UFM1: variants seen among roughly 807,000 people sequenced by gnomAD.
UFM1 encodes the protein ubiquitin-fold modifier 1.
UFM1 carries 9 observed loss-of-function variants against 15.4 expected under a neutral mutation model. The ratio of observed to expected loss-of-function variants is 0.59; its 90% CI spans 0.35 to 1.02. The LOEUF (loss-of-function observed/expected upper bound fraction) is 1.02. Among genes scored for constraint, UFM1 ranks in the 50% least tolerant of loss-of-function variants. The probability of loss-of-function intolerance (pLI) is 0.02; values close to 1 mark genes in which losing one functional copy is unlikely to be tolerated. For missense variants in UFM1, 98 were observed against 104.7 expected (o/e 0.94, Z 0.28); for synonymous variants, 27 against 36.3 (o/e 0.74, Z 0.92).
intron 4 of UFM1, 90 bp downstream of exon 4, chr13:38,358,222 C>T (rs1197941343): frequency 1.3e-6 from 1 of 792,260 alleles, no homozygotes; most frequent in East Asian, 3.2e-5. Context: ...ATACAAAAAG[C>T]CCCAAGTATA....
At chr13:38,350,105 T>G (rs745721387) in intron 2 of UFM1, 50 bp downstream of exon 2, 2 of 1,614,144 alleles carry the variant, frequency 1.2e-6, no homozygotes, top group Non-Finnish European at 1.7e-6. Flanking sequence ...AAGACGGGGC[T>G]GGGTTGGGGA....
chr13:38,355,226 A>G (rs749396976), intron 3 of UFM1, among the ~76,000 whole-genome samples: 7 of 152,056 alleles, frequency 4.6e-5, no homozygotes, highest in Admixed American at 1.3e-4. Context: ...CAGCCAATCC[A>G]TCAGTGCTCA....
At chr13:38,355,414 C>T (rs1039050254) in intron 3 of UFM1, among the ~76,000 whole-genome samples, 1 of 151,944 alleles carries the variant, frequency 6.6e-6, no homozygotes. Flanking sequence ...GCACAGATTA[C>T]TTGCAAGAAA....
chr13:38,352,875 TC>T (rs1344056433), intron 2 of UFM1, among the ~76,000 whole-genome samples: 2 of 152,170 alleles, frequency 1.3e-5, no homozygotes, highest in African/African-American at 4.8e-5. Context: ...GTTTAGAAGT[TC>T]TCCAATTGAT....
At chr13:38,351,802 T>G (rs1878864147) in intron 2 of UFM1, among the ~76,000 whole-genome samples, 1 of 152,194 alleles carries the variant, frequency 6.6e-6, no homozygotes. Context: ...ATGAATTTAG[T>G]AGGTACAACT....
At chr13:38,355,374 C>T (rs184010492) in intron 3 of UFM1, among the ~76,000 whole-genome samples, 8 of 152,088 alleles carry the variant, frequency 5.3e-5, no homozygotes, top group Admixed American at 4.6e-4. Flanking sequence ...GGACACAAAT[C>T]TGAGTATAGC....
rs1879294181 is a variant in UFM1, at chr13:38,359,945, C to T, written c.190+612C>T. ...TATAATCTAAAGTTTTAAAATTAGG[C>T]ATGCTTTAATGTAACCTCATTCTAG... is the stretch of plus-strand genomic sequence containing the variant. On this transcript the variant is annotated intron_variant, in intron 5 of 5. Transcript: ENST00000239878. 18 of 229,124 alleles carry T rather than the reference C, an allele frequency of 7.9e-5. No individual in the cohort carries two copies. The South Asian group carries it at 7.9e-4, about 10-fold the overall frequency. The allele number at this position is 229,124 out of a possible 1,614,324, so 14.2% of individuals were successfully genotyped here.
chr13:38,357,489 C>G (rs1333710304), intron 3 of UFM1, among the ~76,000 whole-genome samples: 1 of 136,996 alleles, frequency 7.3e-6, no homozygotes, highest in African/African-American at 2.8e-5. Flanking sequence ...TAAATACAAT[C>G]AAAAGCACTG....
At chr13:38,352,757 A>C (rs1311729410) in intron 2 of UFM1, among the ~76,000 whole-genome samples, 2 of 152,186 alleles carry the variant, frequency 1.3e-5, no homozygotes, top group Non-Finnish European at 2.9e-5. Flanking sequence ...ACACTCACCA[A>C]CTTAATATAC....
intron 2 of UFM1, among the ~76,000 whole-genome samples, chr13:38,352,179 C>T: frequency 6.8e-6 from 1 of 147,058 alleles, no homozygotes. Context: ...TCTTGGCTCA[C>T]TGCAACGCCC....
intron 2 of UFM1, 88 bp from the exon 3 acceptor site, chr13:38,354,151 T>G: frequency 1.7e-6 from 2 of 1,191,360 alleles, no homozygotes; most frequent in African/African-American, 1.5e-5. Flanking sequence ...TTTGTCCAGA[T>G]TGGCTACAGT....
intron 3 of UFM1, among the ~76,000 whole-genome samples, chr13:38,356,223 A>G (rs1214171961): frequency 6.6e-6 from 1 of 151,932 alleles, no homozygotes; most frequent in African/African-American, 2.4e-5. Context: ...TTGCTACTAC[A>G]TGGATGTGAC....
rs1281569774 is a variant in UFM1 at position 38,361,449 on chromosome 13, A to G, written c.*671A>G. ...AGAATCCAGTACTTTTAATGGTGGG[A>G]ATTTACAGTAGAAGCATCCTTTGCT... On this transcript the variant is annotated 3_prime_UTR_variant, in exon 6 of 6. Transcript: ENST00000239878. 1 of 152,158 alleles carries G rather than the reference A, an allele frequency of 6.6e-6. No individual in the cohort carries two copies. The highest frequency in any genetic ancestry group is 1.5e-5 in the Non-Finnish European group (1 of 68,014). 9.4% of individuals were successfully genotyped at this position (152,158 alleles called of 1,614,324 possible).
chr13:38,355,815 G>C (rs1038443616), intron 3 of UFM1, among the ~76,000 whole-genome samples: 1 of 151,804 alleles, frequency 6.6e-6, no homozygotes. Flanking sequence ...TGTGAGAGGG[G>C]CTTTCACAAG....
chr13:38,354,343 T>C, intron 3 of UFM1, 47 bp downstream of exon 3: 6 of 1,556,096 alleles, frequency 3.9e-6, no homozygotes, highest in East Asian at 2.3e-5. Flanking sequence ...GGTTTGCCAA[T>C]ATGCTTCAAA....
chr13:38,350,176 T>G, intron 2 of UFM1, 121 bp downstream of exon 2: 2 of 1,613,950 alleles, frequency 1.2e-6, no homozygotes, highest in East Asian at 2.2e-5. Flanking sequence ...TCATCTACTT[T>G]CCTGGCTCGC....
At position 38,358,023 on chromosome 13, in the gene UFM1, ATTATC is replaced by A. The variant is rs962275359; in HGVS notation, c.118-65_118-61del. The A allele has an allele frequency of 6.7e-6, 5 of 740,900 alleles. No homozygotes were observed. The African/African-American group carries it at 7.7e-5, about 11-fold the overall frequency. 45.9% of individuals were successfully genotyped at this position (740,900 alleles called of 1,614,324 possible). A position where few individuals can be genotyped will look rare whatever the true frequency, so the allele number is the denominator to read the frequency against. On this transcript the variant is annotated intron_variant, in intron 3 of 5. Coordinates refer to ENST00000239878, the MANE Select transcript of UFM1 (RefSeq NM_016617.4). ...TGGTATTTGTACCCCATTCTTGCTA[ATTATC>A]TTATAGTTTTGTGTGTGTGTGTGTG...
Position 38,351,703 on chromosome 13 carries a change from G to A in UFM1, c.59+1648G>A, listed in dbSNP as rs539045160. Among the ~76,000 whole-genome samples, 9 of 152,296 alleles carry A rather than the reference G, an allele frequency of 5.9e-5. No homozygotes were observed. In the East Asian group the frequency reaches 9.6e-4, roughly 16 times the overall value. On this transcript the variant is annotated intron_variant, in intron 2 of 5. Coordinates refer to ENST00000239878, the MANE Select transcript of UFM1 (RefSeq NM_016617.4). ...TATGCAAATGTACTCGAAAGAGAGC[G>A]TGAGAAGGAAGGAAGAAAATGATAG...
At position 38,359,351 on chromosome 13, in the gene UFM1, C is replaced by T. The variant is rs775039006; in HGVS notation, c.190+18C>T. 8 of 1,610,888 alleles carry T rather than the reference C, an allele frequency of 5.0e-6. No homozygotes were observed. In the East Asian group the frequency reaches 1.3e-4, roughly 27 times the overall value. On this transcript the variant is annotated intron_variant, in intron 5 of 5. Coordinates refer to ENST00000239878, the MANE Select transcript of UFM1 (RefSeq NM_016617.4). ...GACTGCTGGTGAGTATTTGAAAACT[C>T]ATAGAGGAGTGGGTGGGGTTATATA...
Sources: gnomAD v4.1 joint callset for allele counts (sites outside exome capture counted in the v4.1 genomes callset) on GRCh38, gnomAD v4.1.1 for gene constraint, MANE v1.5 for transcripts, NCBI Gene and HGNC (gene_info 2026-07-23, HGNC 2026-07-21) for gene names.